EPB41L5: variants seen among roughly 807,000 people sequenced by gnomAD.
EPB41L5 encodes the protein band 4.1-like protein 5.
In EPB41L5, 55 loss-of-function variants were observed where a neutral mutation model predicts 106.6. The observed-to-expected ratio is 0.52, with a 90% CI of 0.42 to 0.65. EPB41L5 has a LOEUF of 0.65. EPB41L5 is among the 30% of genes least tolerant of loss of function. The pLI is 0.00. For synonymous variants in EPB41L5, 297 were observed against 306.7 expected (o/e 0.97, Z 0.33); for missense variants, 871 against 882.1 (o/e 0.99, Z 0.16).
Position 120,019,119 on chromosome 2 carries a change from G to T in EPB41L5, c.35G>T (p.Arg12Leu), listed in dbSNP as rs769293267. Residue 12 changes from arginine to leucine, a missense_variant, in exon 2 of 25, where the codon CGG becomes CTG. By Grantham distance (102) the Arg-to-Leu change is moderately radical. Coordinates refer to ENST00000263713, the MANE Select transcript of EPB41L5 (RefSeq NM_020909.4). ...LSFFRRTLGR[R>L]SMRKHAEKER... ...TTCTTCCGTAGAACACTAGGGCGTC[G>T]GTCTATGCGTAAACATGCAGAGAAG... The T allele has an allele frequency of 6.2e-7, 1 of 1,612,234 alleles. No homozygotes were observed. Among genetic ancestry groups the T allele is most frequent in the South Asian group, 1.1e-5 (1 of 90,972 alleles).
chr2:120,016,313 C>T (rs1220746866), intron 1 of EPB41L5, among the ~76,000 whole-genome samples: 1 of 151,924 alleles, frequency 6.6e-6, no homozygotes, highest in Non-Finnish European at 1.5e-5. Flanking sequence ...ACCTGTAATC[C>T]CTGCTACTCA....
At chr2:120,050,081 C>T (rs1452841413) in intron 3 of EPB41L5, among the ~76,000 whole-genome samples, 1 of 152,214 alleles carries the variant, frequency 6.6e-6, no homozygotes, top group Non-Finnish European at 1.5e-5. Context: ...ACCTTTCTCT[C>T]TGGCTGCCCT....
rs931971872 is a variant in EPB41L5 at position 120,148,003 on chromosome 2, C to T, written c.1793+1714C>T. ...TGCTATACAACACTGTTCTGTTTTA[C>T]TGTACCTCCTTTTTGAAAATGCAGT... On this transcript the variant is annotated intron_variant, in intron 20 of 24. Transcript: ENST00000263713. Among the ~76,000 whole-genome samples, 3 of 152,112 alleles carry T rather than the reference C, an allele frequency of 2.0e-5. No homozygotes were observed. In the South Asian group the frequency reaches 6.2e-4, roughly 32 times the overall value.
intron 16 of EPB41L5, among the ~76,000 whole-genome samples, chr2:120,101,967 G>A (rs1684168911): frequency 6.6e-6 from 1 of 152,128 alleles, no homozygotes; most frequent in Non-Finnish European, 1.5e-5. Context: ...GCTTATAAAT[G>A]TCAAATTTAT....
chr2:120,130,899 G>T (rs1378546884), intron 17 of EPB41L5, among the ~76,000 whole-genome samples: 1 of 152,040 alleles, frequency 6.6e-6, no homozygotes. Flanking sequence ...AAATTATTAG[G>T]CATTCAACCT....
intron 11 of EPB41L5, among the ~76,000 whole-genome samples, chr2:120,088,386 G>A (rs1020948658): frequency 2.6e-5 from 4 of 152,110 alleles, no homozygotes; most frequent in Admixed American, 2.0e-4. Flanking sequence ...TAAATGATAA[G>A]AACTTATGAA....
chr2:120,042,995 A>ATT lies in EPB41L5; in HGVS notation c.285+886_285+887insTT, dbSNP rs1491151741. ...TGGCATTAAGCCTTTTTTTCTGGAA[A>ATT]TGTGTGTGTGTGTGTGTGTGTGTGT... On this transcript the variant is annotated intron_variant, in intron 3 of 24. Coordinates refer to ENST00000263713, the MANE Select transcript of EPB41L5 (RefSeq NM_020909.4). Among the ~76,000 whole-genome samples the ATT allele has an allele frequency of 8.5e-3, 594 of 70,114 alleles. 12 individuals carry two copies. Among genetic ancestry groups the ATT allele is most frequent in the Middle Eastern group, 0.027 (3 of 112 alleles). The allele number at this position is 70,114 out of a possible 152,430, so 46.0% of individuals were successfully genotyped here. A position where few individuals can be genotyped will look rare whatever the true frequency, so the allele number is the denominator to read the frequency against.
At chr2:120,151,932 C>G (rs983333878) in intron 20 of EPB41L5, among the ~76,000 whole-genome samples, 8 of 152,088 alleles carry the variant, frequency 5.3e-5, no homozygotes, top group African/African-American at 9.7e-5. Context: ...TTTCTGCATT[C>G]TATAAGATTT....
At chr2:120,073,113 A>G in intron 3 of EPB41L5, 65 bp from the exon 4 acceptor site, 2 of 1,408,856 alleles carry the variant, frequency 1.4e-6, no homozygotes, top group Non-Finnish European at 2.0e-6. Context: ...AGTAACTTTT[A>G]GTAATTCATT....
Position 120,091,647 on chromosome 2 carries a change from C to T in EPB41L5, c.1136C>T (p.Thr379Ile). ...RRPSKRYSRR[T>I]LQMKACATKP... ...CCCAGCAAACGATATTCTAGACGAA[C>T]TCTACAAATGAAAGGTGAAGTGCAA... The change falls in exon 13 of 25, where the codon ACT becomes ATT. Residue 379 changes from threonine (T) to isoleucine (I), a missense_variant. Transcript: ENST00000263713. 5 of 1,612,488 alleles carry T rather than the reference C, an allele frequency of 3.1e-6. No homozygotes were observed. Among genetic ancestry groups the T allele is most frequent in the Non-Finnish European group, 4.2e-6 (5 of 1,178,682 alleles).
chr2:120,146,723 T>C (rs778179263), intron 20 of EPB41L5, among the ~76,000 whole-genome samples: 19 of 152,230 alleles, frequency 1.2e-4, no homozygotes, highest in Non-Finnish European at 2.4e-4. Context: ...CTCCCTTTAA[T>C]GAGTATTTTG....
At chr2:120,139,321 C>A (rs1686073137) in intron 18 of EPB41L5, among the ~76,000 whole-genome samples, 1 of 151,926 alleles carries the variant, frequency 6.6e-6, no homozygotes, top group African/African-American at 2.4e-5. Context: ...CAAAAATAGA[C>A]AAATGAGATC....
At chr2:120,157,178 C>T (rs1267011688) in intron 20 of EPB41L5, among the ~76,000 whole-genome samples, 1 of 152,122 alleles carries the variant, frequency 6.6e-6, no homozygotes, top group Non-Finnish European at 1.5e-5. Context: ...TAACCTGCTC[C>T]TGAATGGCTT....
chr2:120,090,625 G>T lies in EPB41L5; in HGVS notation c.1043+109G>T, dbSNP rs952313684. 3.1e-6 allele frequency: 3 copies of T among 979,128 alleles called. No homozygotes were observed. In the African/African-American group the frequency reaches 4.9e-5, roughly 16 times the overall value. 60.7% of individuals were successfully genotyped at this position (979,128 alleles called of 1,614,324 possible). ...GGTAACTAAGGTATAGAGGAATAAG[G>T]TGGTTTGCCAGAGTCTTCCATTGGC... On this transcript the variant is annotated intron_variant, in intron 12 of 24. Transcript: ENST00000263713.
At chr2:120,061,195 C>T (rs1027234034) in intron 3 of EPB41L5, among the ~76,000 whole-genome samples, 6 of 149,970 alleles carry the variant, frequency 4.0e-5, no homozygotes, top group Non-Finnish European at 7.4e-5. Flanking sequence ...CACACACCAC[C>T]ATGCCTGGCT....
chr2:120,164,540 A>AAAGTT (rs1201750184), intron 21 of EPB41L5, among the ~76,000 whole-genome samples: 1 of 152,216 alleles, frequency 6.6e-6, no homozygotes, highest in Non-Finnish European at 1.5e-5. Context: ...TTAAAAAGAA[A>AAAGTT]AAGTTAAGAG....
chr2:120,082,854 A>G (rs1452947672), intron 10 of EPB41L5, among the ~76,000 whole-genome samples: 2 of 152,136 alleles, frequency 1.3e-5, no homozygotes, highest in Non-Finnish European at 2.9e-5. Flanking sequence ...GTGTCCAGGA[A>G]TTTATCCGTC....
At chr2:120,158,545 G>A (rs971487681) in intron 20 of EPB41L5, among the ~76,000 whole-genome samples, 26 of 152,170 alleles carry the variant, frequency 1.7e-4, no homozygotes, top group African/African-American at 6.0e-4. Flanking sequence ...ACACTGCTTC[G>A]GGTTAAAAAC....
intron 16 of EPB41L5, 146 bp downstream of exon 16, chr2:120,100,960 A>G: frequency 3.3e-6 from 2 of 609,174 alleles, no homozygotes; most frequent in Non-Finnish European, 5.6e-6. Context: ...AAATAATCAT[A>G]TTGAGATGGG....
Sources: allele counts gnomAD v4.1 joint callset (sites outside exome capture counted in the v4.1 genomes callset), GRCh38; gene constraint gnomAD v4.1.1; transcripts MANE v1.5; gene names NCBI Gene and HGNC (gene_info 2026-07-23, HGNC 2026-07-21).